The following ST7 variants were observed in gnomAD, a reference collection of about 807,000 sequenced individuals.
The protein encoded by ST7 is suppressor of tumorigenicity 7 protein.
ST7 carries 28 observed loss-of-function variants against 78.7 expected under a neutral mutation model. The ratio of observed to expected loss-of-function variants is 0.36; its 90% CI spans 0.26 to 0.49. The LOEUF is 0.49. ST7 is among the 20% of genes least tolerant of loss of function. The probability of loss-of-function intolerance (pLI) is 0.99; values close to 1 mark genes in which losing one functional copy is unlikely to be tolerated. For missense variants in ST7, 418 were observed against 696.0 expected (o/e 0.60, Z 4.49); for synonymous variants, 247 against 249.6 (o/e 0.99, Z 0.10).
chr7:117,058,838 T>C (rs1332314596), intron 1 of ST7, among the ~76,000 whole-genome samples: 1 of 152,134 alleles, frequency 6.6e-6, no homozygotes, highest in East Asian at 1.9e-4. Context: ...GTGGTACATA[T>C]ACACAATGGA....
intron 1 of ST7, among the ~76,000 whole-genome samples, chr7:117,037,366 A>G (rs2116248345): frequency 6.6e-6 from 1 of 152,342 alleles, no homozygotes; most frequent in South Asian, 2.1e-4. Context: ...GTCAAATGCA[A>G]TCAATTAGAA....
intron 1 of ST7, chr7:117,098,735 A>G (rs1801318202): frequency 2.3e-6 from 3 of 1,285,056 alleles, no homozygotes; most frequent in Non-Finnish European, 3.1e-6. Context: ...TCAAAGCCCT[A>G]CTTCTAAAAC....
intron 1 of ST7, among the ~76,000 whole-genome samples, chr7:117,061,273 T>C (rs1271263261): frequency 6.6e-6 from 1 of 152,180 alleles, no homozygotes. Flanking sequence ...TCCTGCAGTC[T>C]TAACCACAAA....
At chr7:117,083,887 G>T (rs1799958598) in intron 1 of ST7, among the ~76,000 whole-genome samples, 1 of 152,072 alleles carries the variant, frequency 6.6e-6, no homozygotes, top group African/African-American at 2.4e-5. Context: ...TCCTGGCTTT[G>T]GTTCCGCCTC....
chr7:117,215,139 C>A (rs1191623739), intron 13 of ST7, among the ~76,000 whole-genome samples: 1 of 152,020 alleles, frequency 6.6e-6, no homozygotes, highest in South Asian at 2.1e-4. Flanking sequence ...TCATTTAATC[C>A]AACTAAGGGA....
At chr7:117,006,836 T>C (rs1445620758) in intron 1 of ST7, among the ~76,000 whole-genome samples, 1 of 152,234 alleles carries the variant, frequency 6.6e-6, no homozygotes, top group Non-Finnish European at 1.5e-5. Context: ...TTATTATATC[T>C]GTTATGGTGA....
chr7:116,982,175 TCTGCTG>T (rs925206346), intron 1 of ST7, among the ~76,000 whole-genome samples: 9 of 152,122 alleles, frequency 5.9e-5, no homozygotes, highest in East Asian at 1.9e-4. Context: ...TTCATTTACT[TCTGCTG>T]CTGCTGCTGC....
chr7:117,019,146 C>T (rs1029583673), intron 1 of ST7, among the ~76,000 whole-genome samples: 7 of 152,094 alleles, frequency 4.6e-5, no homozygotes, highest in African/African-American at 1.7e-4. Flanking sequence ...AAGGCATATA[C>T]CTTGGATGAA....
chr7:117,220,232 A>G (rs1302109651), intron 14 of ST7, among the ~76,000 whole-genome samples: 1 of 152,210 alleles, frequency 6.6e-6, no homozygotes, highest in Non-Finnish European at 1.5e-5. Flanking sequence ...CTGTCATCAG[A>G]TTGAGGTAGC....
chr7:116,981,425 G>A (rs1173787027), intron 1 of ST7, among the ~76,000 whole-genome samples: 2 of 152,138 alleles, frequency 1.3e-5, no homozygotes, highest in African/African-American at 4.8e-5. Context: ...GGTTCCTCAT[G>A]ATTGAATTCA....
At position 117,135,593 on chromosome 7, in the gene ST7, A is replaced by C. The variant is rs548209316; in HGVS notation, c.711-488A>C. 2.6e-5 allele frequency among the ~76,000 whole-genome samples: 4 copies of C among 152,232 alleles called. No homozygotes were observed. The East Asian group carries it at 7.7e-4, about 29-fold the overall frequency. On this transcript the variant is annotated intron_variant, in intron 7 of 15. Coordinates refer to ENST00000323984, the MANE Select transcript of ST7 (RefSeq NM_001369598.1). ...TGAAGATAATCTGTGTTTAGTTAAC[A>C]GAAGTAAACCTGTATATAGCACCTC...
chr7:116,969,447 T>G (rs964538667), intron 1 of ST7, among the ~76,000 whole-genome samples: 1 of 152,142 alleles, frequency 6.6e-6, no homozygotes, highest in African/African-American at 2.4e-5. Flanking sequence ...ACCACAGAGG[T>G]CAAGTGCCAT....
chr7:117,044,177 T>C (rs1797372243), intron 1 of ST7, among the ~76,000 whole-genome samples: 1 of 152,212 alleles, frequency 6.6e-6, no homozygotes, highest in Admixed American at 6.5e-5. Flanking sequence ...AGGGGATCAT[T>C]GGCAGTTTTG....
intron 1 of ST7, among the ~76,000 whole-genome samples, chr7:117,078,075 G>A (rs1799486378): frequency 6.6e-6 from 1 of 152,110 alleles, no homozygotes; most frequent in African/African-American, 2.4e-5. Flanking sequence ...CTATAGATAA[G>A]AAAAATTGAC....
rs558158071 is a variant in ST7, at chr7:117,122,675, G to C, written c.394+2955G>C. 2.6e-5 allele frequency among the ~76,000 whole-genome samples: 4 copies of C among 152,154 alleles called. No homozygotes were observed. The South Asian group carries it at 6.2e-4, about 24-fold the overall frequency. On this transcript the variant is annotated intron_variant, in intron 3 of 15. Transcript: ENST00000323984. ...TCCTTAGAAAAATGGAAATTAACTT[G>C]TCTTAAGTATATTTAGGTCTCCATC... is the stretch of plus-strand genomic sequence containing the variant.
At chr7:117,022,161 C>T (rs773167627) in intron 1 of ST7, among the ~76,000 whole-genome samples, 7 of 152,134 alleles carry the variant, frequency 4.6e-5, no homozygotes, top group Non-Finnish European at 4.4e-5. Flanking sequence ...ATCACCTATG[C>T]GCTGTATGGT....
chr7:117,050,048 T>C (rs1001238933), intron 1 of ST7, among the ~76,000 whole-genome samples: 2 of 86,368 alleles, frequency 2.3e-5, no homozygotes, highest in African/African-American at 7.8e-5. Flanking sequence ...CTACTAAAAA[T>C]ACAAAAAAAA....
chr7:117,023,821 T>TGA (rs1220702386), intron 1 of ST7, among the ~76,000 whole-genome samples: 1 of 152,110 alleles, frequency 6.6e-6, no homozygotes, highest in South Asian at 2.1e-4. Context: ...TGTGTGTGTG[T>TGA]GACGGAGTCT....
intron 1 of ST7, among the ~76,000 whole-genome samples, chr7:117,066,240 C>A (rs1266639942): frequency 6.6e-6 from 1 of 152,148 alleles, no homozygotes; most frequent in Non-Finnish European, 1.5e-5. Context: ...AAAATACTTT[C>A]CCAGATTCCC....
Sources: allele counts gnomAD v4.1 joint callset (sites outside exome capture counted in the v4.1 genomes callset), GRCh38; gene constraint gnomAD v4.1.1; transcripts MANE v1.5; gene names NCBI Gene and HGNC (gene_info 2026-07-23, HGNC 2026-07-21).